PIBF1: variants seen among roughly 807,000 people sequenced by gnomAD.
PIBF1 encodes the protein progesterone immunomodulatory binding factor 1.
In PIBF1, 90 loss-of-function variants were observed where a neutral mutation model predicts 112.5. The ratio of observed to expected loss-of-function variants is 0.80; its 90% CI spans 0.67 to 0.95. PIBF1 has a LOEUF of 0.95. PIBF1 is among the 40% of genes least tolerant of loss of function. The probability of loss-of-function intolerance (pLI) is 0.00; values close to 1 mark genes in which losing one functional copy is unlikely to be tolerated. For synonymous variants in PIBF1, 301 were observed against 288.6 expected (o/e 1.04, Z -0.44); for missense variants, 915 against 852.3 (o/e 1.07, Z -0.92).
chr13:73,012,770 T>TAAG (rs1044166792), intron 17 of PIBF1, among the ~76,000 whole-genome samples: 8 of 150,096 alleles, frequency 5.3e-5, no homozygotes, highest in African/African-American at 2.0e-4. Flanking sequence ...ATAATAATAA[T>TAAG]AATAATAATA....
chr13:72,899,480 A>G (rs1199067066), intron 11 of PIBF1, among the ~76,000 whole-genome samples: 2 of 152,242 alleles, frequency 1.3e-5, no homozygotes, highest in African/African-American at 2.4e-5. Context: ...ATGCAAGTCA[A>G]TAAATGTGAT....
At chr13:72,972,164 G>C (rs763347528) in intron 15 of PIBF1, among the ~76,000 whole-genome samples, 1 of 151,638 alleles carries the variant, frequency 6.6e-6, no homozygotes, top group Non-Finnish European at 1.5e-5. Context: ...CTTTGATGTA[G>C]CTGGGACTAA....
At chr13:72,842,698 A>G (rs1258561080) in intron 9 of PIBF1, among the ~76,000 whole-genome samples, 1 of 152,184 alleles carries the variant, frequency 6.6e-6, no homozygotes, top group Non-Finnish European at 1.5e-5. Flanking sequence ...AAGCAAACAA[A>G]CAAACTTCTT....
At chr13:72,883,065 C>G (rs1049251433) in intron 10 of PIBF1, among the ~76,000 whole-genome samples, 6 of 152,082 alleles carry the variant, frequency 3.9e-5, no homozygotes, top group Non-Finnish European at 5.9e-5. Flanking sequence ...TTTACAGTAG[C>G]CAAGACTTGG....
At chr13:72,891,335 A>G (rs1276994314) in intron 10 of PIBF1, among the ~76,000 whole-genome samples, 1 of 152,146 alleles carries the variant, frequency 6.6e-6, no homozygotes, top group African/African-American at 2.4e-5. Context: ...TTACTTATCC[A>G]GAATTTATTT....
intron 17 of PIBF1, among the ~76,000 whole-genome samples, chr13:73,009,142 G>A (rs893890647): frequency 6.6e-6 from 1 of 152,134 alleles, no homozygotes; most frequent in Non-Finnish European, 1.5e-5. Flanking sequence ...ATTTTAAGCG[G>A]GAAGCGAGAA....
chr13:72,799,846 G>A (rs1281515081), intron 5 of PIBF1, among the ~76,000 whole-genome samples: 1 of 152,058 alleles, frequency 6.6e-6, no homozygotes, highest in Non-Finnish European at 1.5e-5. Context: ...TTTTTATCAA[G>A]CCACCCTTTT....
chr13:72,823,850 G>C (rs9285282), intron 6 of PIBF1, among the ~76,000 whole-genome samples: 117,972 of 151,996 alleles, frequency 0.78, 46,101 homozygotes, highest in South Asian at 0.85. Context: ...TCAGCTCTTT[G>C]TCTAAGAAGT....
At chr13:72,981,245 C>T (rs1210057057) in intron 16 of PIBF1, among the ~76,000 whole-genome samples, 4 of 150,888 alleles carry the variant, frequency 2.7e-5, no homozygotes, top group Non-Finnish European at 5.9e-5. Flanking sequence ...GAGCAAGACT[C>T]TGTCTCAAAA....
chr13:72,852,148 A>G (rs1485890294), intron 9 of PIBF1, among the ~76,000 whole-genome samples: 1 of 152,170 alleles, frequency 6.6e-6, no homozygotes. Context: ...AAGAGCTGAA[A>G]CATGCCCCTC....
At chr13:72,819,278 G>T (rs986577063) in intron 5 of PIBF1, among the ~76,000 whole-genome samples, 1 of 152,094 alleles carries the variant, frequency 6.6e-6, no homozygotes, top group African/African-American at 2.4e-5. Context: ...AGCCTGCCTT[G>T]ATGAACATGG....
At chr13:72,990,882 A>T (rs1047196215) in intron 16 of PIBF1, among the ~76,000 whole-genome samples, 3 of 152,200 alleles carry the variant, frequency 2.0e-5, no homozygotes, top group Non-Finnish European at 4.4e-5. Flanking sequence ...AATATCCAAA[A>T]TATATATGTA....
rs370344225 is a variant in PIBF1 at position 72,867,436 on chromosome 13, A to G, written c.1322+13281A>G. ...TGAAATTCTTTATTTAAAGTACTCA[A>G]AAAATATTAACTATTATTATTACCA... On this transcript the variant is annotated intron_variant, in intron 10 of 17. Coordinates refer to ENST00000326291, the MANE Select transcript of PIBF1 (RefSeq NM_006346.4). Among the ~76,000 whole-genome samples the G allele has an allele frequency of 3.3e-4, 51 of 152,316 alleles. 1 individual carries two copies. Among genetic ancestry groups the G allele is most frequent in the East Asian group, 2.5e-3 (13 of 5,180 alleles).
At chr13:72,897,155 TCAAA>T (rs2040312923) in intron 11 of PIBF1, among the ~76,000 whole-genome samples, 1 of 152,112 alleles carries the variant, frequency 6.6e-6, no homozygotes, top group South Asian at 2.1e-4. Flanking sequence ...TTCAGCATCC[TCAAA>T]CAAAACAATT....
chr13:72,953,056 G>C (rs1278271293), intron 14 of PIBF1, among the ~76,000 whole-genome samples: 2 of 152,098 alleles, frequency 1.3e-5, no homozygotes, highest in African/African-American at 4.8e-5. Flanking sequence ...AGCTGGGGAA[G>C]GTGTATGAAA....
chr13:72,838,791 CCTT>C (rs2037470750), intron 9 of PIBF1, among the ~76,000 whole-genome samples: 1 of 152,164 alleles, frequency 6.6e-6, no homozygotes, highest in South Asian at 2.1e-4. Context: ...AGTACGGAGT[CCTT>C]CTTAAGGCCA....
chr13:72,808,678 A>C (rs895084668), intron 5 of PIBF1, among the ~76,000 whole-genome samples: 4 of 152,154 alleles, frequency 2.6e-5, no homozygotes, highest in African/African-American at 9.7e-5. Flanking sequence ...TTAAGCAGAA[A>C]TTACCCAGAG....
chr13:72,834,195 T>C (rs1410412537), intron 8 of PIBF1, among the ~76,000 whole-genome samples: 1 of 152,228 alleles, frequency 6.6e-6, no homozygotes, highest in Non-Finnish European at 1.5e-5. Flanking sequence ...GGTATCGCAT[T>C]GTGTTTTAAC....
chr13:72,950,044 C>T (rs1212184622), intron 14 of PIBF1, among the ~76,000 whole-genome samples: 1 of 152,170 alleles, frequency 6.6e-6, no homozygotes. Context: ...AATCCAACCT[C>T]TATATCATTT....
Sources: allele counts gnomAD v4.1 joint callset (sites outside exome capture counted in the v4.1 genomes callset), GRCh38; gene constraint gnomAD v4.1.1; transcripts MANE v1.5; gene names NCBI Gene and HGNC (gene_info 2026-07-23, HGNC 2026-07-21).